Variants in CNBD1 observed in about 807,000 individuals in gnomAD.
CNBD1 encodes cyclic nucleotide binding domain containing 1.
Under a neutral mutation model 54.4 loss-of-function variants are expected in CNBD1, and 71 were observed. The ratio of observed to expected loss-of-function variants is 1.30; its 90% confidence interval spans 1.08 to 1.59. The LOEUF (loss-of-function observed/expected upper bound fraction) is 1.59, where lower values mean the gene tolerates loss of function less well. CNBD1 is among the 40% of genes most tolerant of loss of function. The pLI, the probability that CNBD1 is intolerant of heterozygous loss-of-function variation, is 0.00. For missense variants in CNBD1, 659 were observed against 518.0 expected, an observed-to-expected ratio of 1.27 and a Z score of -2.64; for synonymous variants, 182 against 170.7, an observed-to-expected ratio of 1.07 and a Z score of -0.51.
At chr8:87,390,071 T>C (rs1420051236) in intron 2 of CNBD1, among the ~76,000 whole-genome samples, 2 of 150,940 alleles carry the variant, frequency 1.3e-5, no homozygotes, top group Non-Finnish European at 2.9e-5. Context: ...CTGGATCCCT[T>C]CCTTACACCT....
chr8:87,014,547 A>G (rs1809313408), intron 4 of CNBD1, among the ~76,000 whole-genome samples: 1 of 152,090 alleles, frequency 6.6e-6, no homozygotes, highest in Non-Finnish European at 1.5e-5. Flanking sequence ...AAAATATATT[A>G]AATATTTGCT....
intron 6 of CNBD1, among the ~76,000 whole-genome samples, chr8:87,238,870 C>A (rs1239886952): frequency 2.0e-5 from 3 of 152,080 alleles, no homozygotes; most frequent in East Asian, 3.9e-4. Flanking sequence ...TATTGTATTC[C>A]TTTAGTGCAC....
chr8:87,132,058 A>AT (rs1413272200), intron 4 of CNBD1, among the ~76,000 whole-genome samples: 3 of 151,658 alleles, frequency 2.0e-5, no homozygotes, highest in Non-Finnish European at 4.4e-5. Context: ...TCTGGCCTCT[A>AT]TTTTTTGTTT....
At chr8:87,299,490 A>C (rs2130880852) in intron 8 of CNBD1, among the ~76,000 whole-genome samples, 1 of 152,360 alleles carries the variant, frequency 6.6e-6, no homozygotes, top group Admixed American at 6.5e-5. Context: ...GTTCACATAG[A>C]TCTTCCTTAG....
At position 86,870,189 on chromosome 8, in the gene CNBD1, C is replaced by CCTTTTTTTTTTT. The variant is rs1554626453; in HGVS notation, c.88+3606_88+3607insCTTTTTTTTTTT. On this transcript the variant is annotated intron_variant, in intron 1 of 10. Coordinates refer to ENST00000518476, the MANE Select transcript of CNBD1 (RefSeq NM_173538.3). Reference sequence around the variant, plus strand: ...AGAAATTTAGAAACAAGATAGTACTCTTTTTTTTTTTTTTTCTGAGACGGA... The same window carrying CCTTTTTTTTTTT: ...AGAAATTTAGAAACAAGATAGTACTCCTTTTTTTTTTTTTTTTTTTTTTTTTTCTGAGACGGA... Among the ~76,000 whole-genome samples the CCTTTTTTTTTTT allele has an allele frequency of 1.5e-4, 15 of 100,618 alleles. 1 individual carries two copies. The highest frequency in any genetic ancestry group is 2.4e-4 in the African/African-American group (6 of 24,886). 66.0% of individuals were successfully genotyped at this position (100,618 alleles called of 152,430 possible).
intron 4 of CNBD1, among the ~76,000 whole-genome samples, chr8:87,148,762 A>G (rs989412635): frequency 1.1e-4 from 17 of 152,198 alleles, no homozygotes; most frequent in African/African-American, 4.1e-4. Flanking sequence ...TCACATATTC[A>G]GACCTGAGTA....
chr8:87,384,767 G>A (rs555718324), downstream of CNBD1, among the ~76,000 whole-genome samples: 11 of 152,200 alleles, frequency 7.2e-5, no homozygotes, highest in African/African-American at 2.4e-4. Flanking sequence ...TGAAGGAAGT[G>A]AAAGGTCAAT....
chr8:87,419,213 T>A (rs1236988595), intron 2 of CNBD1, among the ~76,000 whole-genome samples: 1 of 151,968 alleles, frequency 6.6e-6, no homozygotes, highest in African/African-American at 2.4e-5. Context: ...TACGACTGCA[T>A]TTGTGTAACA....
At chr8:86,972,689 A>G (rs146324815) in intron 4 of CNBD1, among the ~76,000 whole-genome samples, 2 of 152,206 alleles carry the variant, frequency 1.3e-5, no homozygotes, top group Non-Finnish European at 1.5e-5. Flanking sequence ...TACAAACTGC[A>G]TCAGCTGTAC....
chr8:86,883,059 T>C (rs1297910409), intron 1 of CNBD1, among the ~76,000 whole-genome samples: 1 of 151,780 alleles, frequency 6.6e-6, no homozygotes, highest in African/African-American at 2.4e-5. Flanking sequence ...CCAGAAAAAA[T>C]AACTAATGGA....
chr8:87,139,063 A>T (rs904078928), intron 4 of CNBD1, among the ~76,000 whole-genome samples: 13 of 152,296 alleles, frequency 8.5e-5, no homozygotes, highest in Middle Eastern at 6.8e-3. Context: ...GTAATTTTTC[A>T]TTCAAATTCT....
chr8:87,408,928 C>G (rs974618547), intron 2 of CNBD1, among the ~76,000 whole-genome samples: 4 of 152,050 alleles, frequency 2.6e-5, no homozygotes, highest in East Asian at 1.9e-4. Flanking sequence ...TGTCATTCCC[C>G]CATCTCTCTC....
intron 4 of CNBD1, among the ~76,000 whole-genome samples, chr8:87,056,385 C>A (rs371276166): frequency 2.0e-5 from 3 of 152,128 alleles, no homozygotes; most frequent in East Asian, 3.9e-4. Context: ...AGTCCCTAGA[C>A]TTAAATACAA....
intron 4 of CNBD1, among the ~76,000 whole-genome samples, chr8:87,150,489 C>T (rs1812581758): frequency 6.6e-6 from 1 of 152,084 alleles, no homozygotes; most frequent in Non-Finnish European, 1.5e-5. Flanking sequence ...AGAACTAAAT[C>T]TGAATTGCTT....
rs1025473362 is a variant in CNBD1, at chr8:87,161,482, G to A, written c.432-44511G>A. Among the ~76,000 whole-genome samples the A allele has an allele frequency of 3.3e-5, 5 of 152,106 alleles. No homozygotes were observed. In the East Asian group the frequency reaches 7.8e-4, roughly 24 times the overall value. ...AGCAAGGTTGAAGAATATCAAAAAGGACTAATAAAATTATAAAATATGGAT... is the reference window on the plus strand; with the variant it reads ...AGCAAGGTTGAAGAATATCAAAAAGAACTAATAAAATTATAAAATATGGAT... On this transcript the variant is annotated intron_variant, in intron 4 of 10. Transcript: ENST00000518476.
chr8:87,134,171 T>C (rs1812177947), intron 4 of CNBD1, among the ~76,000 whole-genome samples: 1 of 152,188 alleles, frequency 6.6e-6, no homozygotes, highest in South Asian at 2.1e-4. Flanking sequence ...TTGTTTAAAA[T>C]GTAAATGCAA....
At chr8:87,253,458 C>T (rs74604129) in intron 6 of CNBD1, among the ~76,000 whole-genome samples, 2,470 of 152,208 alleles carry the variant, frequency 0.016, 74 homozygotes, top group African/African-American at 0.057. Flanking sequence ...CTAGAAAGCA[C>T]GTCCACCTTT....
intron 10 of CNBD1, among the ~76,000 whole-genome samples, chr8:87,365,157 TA>T (rs1810617790): frequency 6.6e-6 from 1 of 152,064 alleles, no homozygotes. Context: ...CAGCATCTGT[TA>T]TTTTTTACTT....
At chr8:87,227,318 G>T (rs1814524761) in intron 5 of CNBD1, among the ~76,000 whole-genome samples, 2 of 146,474 alleles carry the variant, frequency 1.4e-5, no homozygotes, top group Admixed American at 6.8e-5. Flanking sequence ...GTTAGTTGAT[G>T]CAGTTTCTTC....
Sources: gnomAD v4.1 joint callset for allele counts (sites outside exome capture counted in the v4.1 genomes callset) on GRCh38, gnomAD v4.1.1 for gene constraint, MANE v1.5 for transcripts, NCBI Gene and HGNC (gene_info 2026-07-23, HGNC 2026-07-21) for gene names.